The following SERINC1 variants were observed in gnomAD, a reference collection of about 807,000 sequenced individuals.
SERINC1 encodes serine incorporator 1.
SERINC1 carries 38 observed loss-of-function variants against 52.9 expected under a neutral mutation model. The observed-to-expected ratio is 0.72, with a 90% CI of 0.55 to 0.94. The LOEUF is 0.94. Among genes scored for constraint, SERINC1 ranks in the 40% least tolerant of loss-of-function variants. The probability of loss-of-function intolerance (pLI) is 0.00; values close to 1 mark genes in which losing one functional copy is unlikely to be tolerated. For synonymous variants in SERINC1, 198 were observed against 183.1 expected (o/e 1.08, Z -0.66); for missense variants, 471 against 533.9 (o/e 0.88, Z 1.16).
intron 1 of SERINC1, among the ~76,000 whole-genome samples, chr6:122,466,831 G>A (rs1321238653): frequency 6.6e-6 from 1 of 152,150 alleles, no homozygotes; most frequent in African/African-American, 2.4e-5. Flanking sequence ...GAAAGACAAT[G>A]TAGAAAATAC....
chr6:122,455,287 T>C (rs1054494174), intron 3 of SERINC1, among the ~76,000 whole-genome samples: 1 of 152,098 alleles, frequency 6.6e-6, no homozygotes, highest in African/African-American at 2.4e-5. Flanking sequence ...TGTGAGGGTG[T>C]TGCCAAAGAA....
chr6:122,457,905 A>G (rs1007470003), intron 2 of SERINC1, among the ~76,000 whole-genome samples: 4 of 151,218 alleles, frequency 2.6e-5, no homozygotes, highest in African/African-American at 9.7e-5. Flanking sequence ...CCACAACCTG[A>G]CTCTCTCTAA....
chr6:122,460,253 T>C (rs1159764678), intron 1 of SERINC1, among the ~76,000 whole-genome samples: 2 of 152,092 alleles, frequency 1.3e-5, no homozygotes, highest in African/African-American at 4.8e-5. Flanking sequence ...TTGTATTTTT[T>C]TGTAGTTTTA....
chr6:122,471,466 T>C (rs1315786113), intron 1 of SERINC1, among the ~76,000 whole-genome samples: 1 of 152,134 alleles, frequency 6.6e-6, no homozygotes, highest in Non-Finnish European at 1.5e-5. Context: ...TCAATTTGAG[T>C]CATCTTCCCA....
At chr6:122,460,369 C>G (rs1775080774) in intron 1 of SERINC1, among the ~76,000 whole-genome samples, 1 of 152,190 alleles carries the variant, frequency 6.6e-6, no homozygotes, top group South Asian at 2.1e-4. Flanking sequence ...CCCACCGCGC[C>G]CAGCCAAGTG....
chr6:122,454,202 T>C lies in SERINC1; in HGVS notation c.400A>G (p.Ile134Val). 6.3e-7 allele frequency: 1 copy of C among 1,586,866 alleles called. No individual in the cohort carries two copies. Among genetic ancestry groups the C allele is most frequent in the Non-Finnish European group, 8.6e-7 (1 of 1,166,580 alleles). ...AAGAATGCCCCAATAATAATTGCAA[T>C]TGCTGCAGCAAATTTAAAGAACCAA... ...GFWFFKFAAA[I>V]AIIIGAFFIP... Residue 134 changes from isoleucine (I) to valine (V), a missense_variant, in exon 4 of 10, where the codon ATT becomes GTT. Transcript: ENST00000339697.
chr6:122,463,129 A>G (rs913876519), intron 1 of SERINC1, among the ~76,000 whole-genome samples: 2 of 152,230 alleles, frequency 1.3e-5, no homozygotes, highest in African/African-American at 4.8e-5. Flanking sequence ...AGAACACAAT[A>G]AAGTTCAGAA....
chr6:122,449,355 T>C (rs1005939210), intron 7 of SERINC1, among the ~76,000 whole-genome samples: 1 of 152,214 alleles, frequency 6.6e-6, no homozygotes, highest in African/African-American at 2.4e-5. Flanking sequence ...GAAAAAGTTC[T>C]TGAAGGATAT....
At chr6:122,461,018 G>C (rs936655076) in intron 1 of SERINC1, among the ~76,000 whole-genome samples, 8 of 151,982 alleles carry the variant, frequency 5.3e-5, no homozygotes, top group Non-Finnish European at 1.2e-4. Flanking sequence ...AAATGAAAGA[G>C]AGATAAAAAT....
chr6:122,455,658 G>C (rs1423955323), intron 3 of SERINC1, among the ~76,000 whole-genome samples: 1 of 151,974 alleles, frequency 6.6e-6, no homozygotes, highest in Non-Finnish European at 1.5e-5. Context: ...TAATACACTT[G>C]ATTATCAGAA....
chr6:122,471,730 C>G lies in SERINC1; in HGVS notation c.8G>C (p.Ser3Thr). 1 of 1,614,170 alleles carries G rather than the reference C, an allele frequency of 6.2e-7. No individual in the cohort carries two copies. Among genetic ancestry groups the G allele is most frequent in the Non-Finnish European group, 8.5e-7 (1 of 1,179,994 alleles). ...CGCCATGGAGCACAGCCCCAGGACG[C>G]TCCCCATCTCCACAACGTCACAAGA... MGSVLGLCSMASW... is the reference protein window; with the variant it reads MGTVLGLCSMASW... The change falls in exon 1 of 10, where the codon AGC becomes ACC. Residue 3 changes from serine to threonine, a missense_variant. Ser to Thr is a moderately conservative substitution (Grantham distance 58). Coordinates refer to ENST00000339697, the MANE Select transcript of SERINC1 (RefSeq NM_020755.4).
At chr6:122,455,078 C>A (rs1374170989) in intron 3 of SERINC1, among the ~76,000 whole-genome samples, 1 of 151,964 alleles carries the variant, frequency 6.6e-6, no homozygotes, top group Non-Finnish European at 1.5e-5. Context: ...AGTTGTATGA[C>A]CTTATTATTG....
In SERINC1 at chr6:122,447,349, A is replaced by T. The variant is rs527652021; in HGVS notation, c.851-84T>A. On this transcript the variant is annotated intron_variant, in intron 7 of 9. Transcript: ENST00000339697. ...AAACAAAAGTTATTTTTAACTCTCT[A>T]TACCCCTGCAAATTGAGAAACAATT... 79 of 980,546 alleles carry T rather than the reference A, an allele frequency of 8.1e-5. No individual in the cohort carries two copies. In the East Asian group the frequency reaches 1.4e-3, roughly 17 times the overall value. 60.7% of individuals were successfully genotyped at this position (980,546 alleles called of 1,614,324 possible).
At chr6:122,454,472 A>C (rs1426107116) in intron 3 of SERINC1, 1 of 408,770 alleles carries the variant, frequency 2.4e-6, no homozygotes, top group African/African-American at 2.1e-5. Context: ...ACCCAAGCTT[A>C]TATTATAGAT....
chr6:122,456,552 G>C lies in SERINC1; in HGVS notation c.300C>G (p.Phe100Leu). 6.2e-7 allele frequency: 1 copy of C among 1,612,876 alleles called. No homozygotes were observed. Among genetic ancestry groups the C allele is most frequent in the Non-Finnish European group, 8.5e-7 (1 of 1,179,274 alleles). ...TCATTAGTAAAGAGAGAAGAAGATAGAACATAGCCAAACCAAAGCACAAAC... is the reference window on the plus strand; with the variant it reads ...TCATTAGTAAAGAGAGAAGAAGATACAACATAGCCAAACCAAAGCACAAAC... ...VYRLCFGLAM[F>L]YLLLSLLMIK... Residue 100 changes from phenylalanine (F) to leucine (L), a missense_variant, in exon 3 of 10, where the codon TTC (phenylalanine) becomes TTG (leucine). By Grantham distance (22) the Phe-to-Leu change is conservative. Transcript: ENST00000339697.
chr6:122,453,934 G>A, intron 4 of SERINC1, 27 bp from the exon 5 acceptor site: 1 of 1,551,848 alleles, frequency 6.4e-7, no homozygotes, highest in Non-Finnish European at 8.7e-7. Context: ...GCATACATAA[G>A]TGATTGGTTA....
rs1774791943 is a variant in SERINC1 at position 122,445,989 on chromosome 6, T to C, written c.1226+785A>G. Among the ~76,000 whole-genome samples, 4 of 151,306 alleles carry C rather than the reference T, an allele frequency of 2.6e-5. No homozygotes were observed. In the South Asian group the frequency reaches 6.3e-4, roughly 24 times the overall value. ...TTCAATAATAAAAATCAGTAAAGGC[T>C]GCACTCAAAGACATACAACAAAGAA... is the stretch of plus-strand genomic sequence containing the variant. On this transcript the variant is annotated intron_variant, in intron 9 of 9. Coordinates refer to ENST00000339697, the MANE Select transcript of SERINC1 (RefSeq NM_020755.4).
In SERINC1 at chr6:122,446,876, A is replaced by G. The variant is rs1774814115; in HGVS notation, c.1124T>C (p.Val375Ala). Reference protein sequence around the residue: ...LEDGDDVHRAVDNERDGVTYS... With the variant: ...LEDGDDVHRAADNERDGVTYS... ...AGTGACACCATCCCTTTCATTATCTACAGCTCGGTGAACATCGTCCCCATC... is the reference window on the plus strand; with the variant it reads ...AGTGACACCATCCCTTTCATTATCTGCAGCTCGGTGAACATCGTCCCCATC... The change falls in exon 9 of 10, where the codon GTA becomes GCA. Residue 375 changes from valine to alanine, a missense_variant. Coordinates refer to ENST00000339697, the MANE Select transcript of SERINC1 (RefSeq NM_020755.4). The G allele has an allele frequency of 6.2e-7, 1 of 1,613,902 alleles. No individual in the cohort carries two copies. Among genetic ancestry groups the G allele is most frequent in the East Asian group, 2.2e-5 (1 of 44,868 alleles).
At position 122,458,662 on chromosome 6, in the gene SERINC1, C is replaced by T. The variant is rs762011491; in HGVS notation, c.59G>A (p.Ser20Asn). 7.5e-6 allele frequency: 12 copies of T among 1,601,414 alleles called. No homozygotes were observed. The South Asian group carries it at 1.4e-4, about 18-fold the overall frequency. The part of the protein sequence containing the change: ...MASWIPCLCG[S>N]APCLLCRCCP... ...GCATCGGCATAGCAAACACGGGGCACTTCCACACAAACATGGTATCTGGGA... is the reference window on the plus strand; with the variant it reads ...GCATCGGCATAGCAAACACGGGGCATTTCCACACAAACATGGTATCTGGGA... Residue 20 changes from serine (S) to asparagine (N), a missense_variant, in exon 2 of 10, where the codon AGT becomes AAT. By Grantham distance (46) the Ser-to-Asn change is conservative. Coordinates refer to ENST00000339697, the MANE Select transcript of SERINC1 (RefSeq NM_020755.4).
Sources: gnomAD v4.1 joint callset for allele counts (sites outside exome capture counted in the v4.1 genomes callset) on GRCh38, gnomAD v4.1.1 for gene constraint, MANE v1.5 for transcripts, NCBI Gene and HGNC (gene_info 2026-07-23, HGNC 2026-07-21) for gene names.